The following AGMO variants were observed in gnomAD, a reference collection of about 807,000 sequenced individuals.
The protein encoded by AGMO is alkylglycerol monooxygenase.
AGMO carries 75 observed loss-of-function variants against 60.2 expected under a neutral mutation model. That is an observed-to-expected ratio of 1.25 (90% CI 1.03 to 1.51). The LOEUF is 1.51. Ranked by LOEUF, AGMO falls within the 40% of genes most tolerant of loss-of-function variation. The pLI is 0.00. For synonymous variants in AGMO, 261 were observed against 177.1 expected, an observed-to-expected ratio of 1.47 and a Z score of -3.76; for missense variants, 763 against 525.5, an observed-to-expected ratio of 1.45 and a Z score of -4.42.
At chr7:15,418,250 T>A (rs1236277513) in intron 5 of AGMO, among the ~76,000 whole-genome samples, 3 of 152,058 alleles carry the variant, frequency 2.0e-5, no homozygotes, top group Non-Finnish European at 4.4e-5. Context: ...AATTTCAACA[T>A]CTCTTGGTAA....
chr7:15,361,907 T>G (rs1782781887), intron 12 of AGMO, among the ~76,000 whole-genome samples: 3 of 151,742 alleles, frequency 2.0e-5, no homozygotes, highest in Non-Finnish European at 4.4e-5. Flanking sequence ...TAGAGAAGAG[T>G]CACAGGGTTG....
chr7:15,321,485 A>G (rs1282304709), intron 12 of AGMO, among the ~76,000 whole-genome samples: 1 of 152,188 alleles, frequency 6.6e-6, no homozygotes, highest in Non-Finnish European at 1.5e-5. Flanking sequence ...CAAAATTTAC[A>G]TATGATAAGA....
intron 12 of AGMO, among the ~76,000 whole-genome samples, chr7:15,211,388 C>CG (rs1781584164): frequency 6.6e-6 from 1 of 151,648 alleles, no homozygotes. Context: ...CGTTGGTGGT[C>CG]ATAAGTTAAA....
chr7:15,366,167 G>A lies in AGMO; in HGVS notation c.1130C>T (p.Thr377Ile), dbSNP rs779381006. ...TTGATCCAGAAGAAATCCAATGGAA[G>A]TCAAGGTCAGGATAATGAAGCAAAC... ...LRVCFIILTL[T>I]SIGFLLDQRP... is the part of the protein sequence containing the mutation. The change falls in exon 11 of 13, where the codon ACT becomes ATT. Residue 377 changes from threonine (T) to isoleucine (I), a missense_variant. Transcript: ENST00000342526. 7 of 1,608,738 alleles carry A rather than the reference G, an allele frequency of 4.4e-6. No individual in the cohort carries two copies. The highest frequency in any genetic ancestry group is 5.9e-6 in the Non-Finnish European group (7 of 1,176,968).
intron 3 of AGMO, among the ~76,000 whole-genome samples, chr7:15,449,332 TTCTCTCTCTC>T (rs71004379): frequency 5.3e-4 from 79 of 149,332 alleles, no homozygotes; most frequent in East Asian, 1.6e-3. Context: ...GTGCTTCTCT[TTCTCTCTCTC>T]TCTCTCTCTC....
chr7:15,541,413 T>C (rs1784628783), intron 3 of AGMO, among the ~76,000 whole-genome samples: 1 of 152,158 alleles, frequency 6.6e-6, no homozygotes, highest in Non-Finnish European at 1.5e-5. Flanking sequence ...AGCCACTGTG[T>C]CCAGCCTAAT....
the AGMO span, among the ~76,000 whole-genome samples, chr7:15,118,491 C>G: frequency 2.0e-5 from 3 of 152,138 alleles, no homozygotes; most frequent in Non-Finnish European, 4.4e-5. Context: ...CATAAGCTCA[C>G]TTGGTCTATC....
At chr7:15,514,409 T>C (rs1214162148) in intron 3 of AGMO, among the ~76,000 whole-genome samples, 2 of 152,176 alleles carry the variant, frequency 1.3e-5, no homozygotes, top group African/African-American at 2.4e-5. Context: ...TGGTATTTAG[T>C]ACCAGCCACT....
chr7:15,457,514 C>A (rs1048452905), intron 3 of AGMO, among the ~76,000 whole-genome samples: 4 of 152,130 alleles, frequency 2.6e-5, no homozygotes, highest in African/African-American at 9.7e-5. Flanking sequence ...GCCCAGGCAT[C>A]ATGTGTAATT....
chr7:15,409,944 T>G (rs1271717642), intron 5 of AGMO, among the ~76,000 whole-genome samples: 1 of 151,622 alleles, frequency 6.6e-6, no homozygotes. Flanking sequence ...AAATTTAATG[T>G]GAAAATACTT....
chr7:15,449,324 G>C (rs2128504930), intron 3 of AGMO, among the ~76,000 whole-genome samples: 1 of 102,324 alleles, frequency 9.8e-6, no homozygotes, highest in Non-Finnish European at 2.1e-5. Context: ...TATTAAGAGT[G>C]CTTCTCTTTC....
At chr7:15,557,428 C>T (rs1785175510) in intron 2 of AGMO, among the ~76,000 whole-genome samples, 1 of 151,944 alleles carries the variant, frequency 6.6e-6, no homozygotes, top group Non-Finnish European at 1.5e-5. Flanking sequence ...TTAATCTAAC[C>T]CTCAGCTGTT....
chr7:15,269,246 G>A (rs1783524075), intron 12 of AGMO, among the ~76,000 whole-genome samples: 1 of 152,086 alleles, frequency 6.6e-6, no homozygotes, highest in Admixed American at 6.6e-5. Flanking sequence ...AAGTGAAGGT[G>A]GAAGATACAT....
intron 3 of AGMO, among the ~76,000 whole-genome samples, chr7:15,447,947 G>T (rs553940450): frequency 6.6e-6 from 1 of 152,054 alleles, no homozygotes; most frequent in Non-Finnish European, 1.5e-5. Flanking sequence ...CAGAATGGGG[G>T]GTTTTGTTTC....
At chr7:15,361,409 G>A (rs964052269) in intron 12 of AGMO, among the ~76,000 whole-genome samples, 46 of 151,176 alleles carry the variant, frequency 3.0e-4, no homozygotes, top group Non-Finnish European at 3.2e-4. Context: ...GCGTGGTGGC[G>A]GGCACCTGTA....
At chr7:15,380,610 C>T (rs575632623) in intron 10 of AGMO, among the ~76,000 whole-genome samples, 15 of 152,172 alleles carry the variant, frequency 9.9e-5, no homozygotes, top group African/African-American at 3.6e-4. Flanking sequence ...AGAATCAATG[C>T]TATGCTTATT....
At chr7:15,401,381 T>G (rs1321241421) in intron 5 of AGMO, among the ~76,000 whole-genome samples, 1 of 152,142 alleles carries the variant, frequency 6.6e-6, no homozygotes, top group Admixed American at 6.5e-5. Flanking sequence ...AGAGATGCAA[T>G]TAACTGGTGA....
chr7:15,492,272 G>A (rs553628663), intron 3 of AGMO, among the ~76,000 whole-genome samples: 5 of 150,642 alleles, frequency 3.3e-5, no homozygotes, highest in African/African-American at 1.2e-4. Context: ...TTCCTTCCTG[G>A]AGTTAAGACT....
In AGMO at chr7:15,202,458, C is replaced by CAAAA. The variant is rs71004370; in HGVS notation, c.1264-1103_1264-1100dup. 2.5e-3 allele frequency among the ~76,000 whole-genome samples: 112 copies of CAAAA among 45,342 alleles called. 5 individuals carry two copies. Among genetic ancestry groups the CAAAA allele is most frequent in the East Asian group, 8.8e-3 (8 of 914 alleles). The allele number at this position is 45,342 out of a possible 152,430, so 29.7% of individuals were successfully genotyped here. On this transcript the variant is annotated intron_variant, in intron 12 of 12. Coordinates refer to ENST00000342526, the MANE Select transcript of AGMO (RefSeq NM_001004320.2). ...CACCAACAACCAAAATACAAATGAG[C>CAAAA]AAAAAAAAAAAAAAAAAAAAAAAAA...
Sources: gnomAD v4.1 joint callset for allele counts (sites outside exome capture counted in the v4.1 genomes callset) on GRCh38, gnomAD v4.1.1 for gene constraint, MANE v1.5 for transcripts, NCBI Gene and HGNC (gene_info 2026-07-23, HGNC 2026-07-21) for gene names.